The following SLTM variants were observed in gnomAD, a reference collection of about 807,000 sequenced individuals.
SLTM encodes the protein SAFB-like transcription modulator.
SLTM carries 43 observed loss-of-function variants against 134.6 expected under a neutral mutation model. The observed-to-expected ratio is 0.32, with a 90% CI of 0.25 to 0.41. SLTM has a LOEUF of 0.41. Among genes scored for constraint, SLTM ranks in the 10% least tolerant of loss-of-function variants. SLTM has a pLI of 1.00. For synonymous variants in SLTM, 424 were observed against 432.3 expected, an observed-to-expected ratio of 0.98 and a Z score of 0.24; for missense variants, 1,055 against 1,288.8, an observed-to-expected ratio of 0.82 and a Z score of 2.78.
chr15:58,905,999 C>G (rs1465552531), intron 5 of SLTM, among the ~76,000 whole-genome samples: 6 of 152,158 alleles, frequency 3.9e-5, no homozygotes, highest in African/African-American at 9.7e-5. Flanking sequence ...ACAAAAACAA[C>G]TTGGGTAAAG....
intron 2 of SLTM, among the ~76,000 whole-genome samples, chr15:58,920,225 T>C (rs1361259521): frequency 6.6e-6 from 1 of 150,902 alleles, no homozygotes; most frequent in Non-Finnish European, 1.5e-5. Context: ...GCTGAGGCAC[T>C]GGGTTCAATC....
At chr15:58,912,922 A>G (rs1028175664) in intron 4 of SLTM, 6 of 256,958 alleles carry the variant, frequency 2.3e-5, no homozygotes, top group South Asian at 6.9e-5. Context: ...ATGTACTAAC[A>G]TACTTCAAGG....
chr15:58,883,991 C>G (rs2033964205), intron 19 of SLTM, among the ~76,000 whole-genome samples: 1 of 151,592 alleles, frequency 6.6e-6, no homozygotes, highest in Admixed American at 6.6e-5. Context: ...CCCAGCTACT[C>G]AGGAGGCTGG....
At chr15:58,932,256 G>T (rs2037931470) in intron 2 of SLTM, 100 bp downstream of exon 2, 1 of 830,818 alleles carries the variant, frequency 1.2e-6, no homozygotes, top group Non-Finnish European at 2.0e-6. Context: ...GAGGGAAATA[G>T]CAAAGAGTAG....
At chr15:58,918,441 T>C (rs1052637916) in intron 2 of SLTM, among the ~76,000 whole-genome samples, 2 of 152,214 alleles carry the variant, frequency 1.3e-5, no homozygotes, top group Non-Finnish European at 2.9e-5. Context: ...CTCCTATCTG[T>C]CATCTACTCC....
At chr15:58,893,481 A>G (rs2034828807) in intron 12 of SLTM, 117 bp from the exon 13 acceptor site, 1 of 703,096 alleles carries the variant, frequency 1.4e-6, no homozygotes, top group Non-Finnish European at 2.3e-6. Context: ...TAAAAAAACT[A>G]CTTATTCTAC....
chr15:58,887,861 T>C (rs2034347273), intron 17 of SLTM, among the ~76,000 whole-genome samples: 1 of 152,128 alleles, frequency 6.6e-6, no homozygotes, highest in African/African-American at 2.4e-5. Context: ...GTTTTAAAGA[T>C]AAGAAGAGGC....
At chr15:58,887,200 G>A in intron 18 of SLTM, 26 bp downstream of exon 18, 1 of 1,611,828 alleles carries the variant, frequency 6.2e-7, no homozygotes, top group East Asian at 2.2e-5. Flanking sequence ...AGACCACTAG[G>A]AAAGCATTAC....
intron 2 of SLTM, among the ~76,000 whole-genome samples, chr15:58,922,816 G>C (rs578142387): frequency 6.6e-6 from 1 of 151,368 alleles, no homozygotes; most frequent in East Asian, 1.9e-4. Flanking sequence ...GGGTTCGAGC[G>C]ATTCTCCCGC....
intron 3 of SLTM, 152 bp downstream of exon 3, chr15:58,916,783 G>C: frequency 1.8e-6 from 1 of 563,300 alleles, no homozygotes; most frequent in Non-Finnish European, 3.1e-6. Context: ...GAGTTAATGA[G>C]ATTGACAATA....
At chr15:58,891,901 G>C (rs74017306) in intron 14 of SLTM, among the ~76,000 whole-genome samples, 1 of 152,020 alleles carries the variant, frequency 6.6e-6, no homozygotes, top group African/African-American at 2.4e-5. Context: ...TAGGGTTTGA[G>C]AATCACTGGT....
intron 9 of SLTM, 88 bp from the exon 10 acceptor site, chr15:58,894,670 T>C: frequency 8.2e-7 from 1 of 1,224,382 alleles, no homozygotes; most frequent in Admixed American, 1.9e-5. Flanking sequence ...ACTGAAACTA[T>C]ATATTAATTC....
chr15:58,910,399 G>T (rs4774315), intron 5 of SLTM, among the ~76,000 whole-genome samples: 96,382 of 152,032 alleles, frequency 0.63, 32,289 homozygotes, highest in Middle Eastern at 0.79. Context: ...TTTAGAAAGA[G>T]GAAAAAGGTC....
At chr15:58,930,233 C>A (rs2037771323) in intron 2 of SLTM, among the ~76,000 whole-genome samples, 1 of 151,754 alleles carries the variant, frequency 6.6e-6, no homozygotes, top group Non-Finnish European at 1.5e-5. Context: ...GCCTCCCCAG[C>A]CTCCCGAGTA....
intron 5 of SLTM, 73 bp from the exon 6 acceptor site, chr15:58,901,360 G>C (rs140363159): frequency 1.6e-6 from 2 of 1,277,354 alleles, no homozygotes; most frequent in African/African-American, 1.5e-5. Context: ...TACAAAATCA[G>C]CCAAGTTAAA....
chr15:58,901,316 A>C, intron 5 of SLTM, 29 bp from the exon 6 acceptor site: 4 of 1,577,294 alleles, frequency 2.5e-6, no homozygotes, highest in South Asian at 2.3e-5. Flanking sequence ...TCAAATGTAA[A>C]ATGAATTCAC....
At chr15:58,927,178 C>T (rs1037440888) in intron 2 of SLTM, among the ~76,000 whole-genome samples, 3 of 152,098 alleles carry the variant, frequency 2.0e-5, no homozygotes, top group Admixed American at 6.6e-5. Flanking sequence ...CCCTGATATA[C>T]CTGCTTCTTA....
At chr15:58,931,822 G>C (rs918574864) in intron 2 of SLTM, among the ~76,000 whole-genome samples, 1 of 152,010 alleles carries the variant, frequency 6.6e-6, no homozygotes, top group Non-Finnish European at 1.5e-5. Context: ...AATTAATCAT[G>C]GATTTTTCCC....
chr15:58,913,706 G>GT lies in SLTM; in HGVS notation c.316-11dup, dbSNP rs1567144475. 1.9e-6 allele frequency: 3 copies of GT among 1,611,424 alleles called. No homozygotes were observed. Among genetic ancestry groups the GT allele is most frequent in the Admixed American group, 1.7e-5 (1 of 59,794 alleles). On this transcript the variant is annotated splice_polypyrimidine_tract_variant and intron_variant, in intron 3 of 20. Coordinates refer to ENST00000380516, the MANE Select transcript of SLTM (RefSeq NM_024755.4). The stretch of plus-strand genomic sequence containing the variant: ...TCTCCAATTCACAGTCCTTTTAATG[G>GT]TAAGAAAATTTGGTACAACTAGAGG...
Sources: gnomAD v4.1 joint callset for allele counts (sites outside exome capture counted in the v4.1 genomes callset) on GRCh38, gnomAD v4.1.1 for gene constraint, MANE v1.5 for transcripts, NCBI Gene and HGNC (gene_info 2026-07-23, HGNC 2026-07-21) for gene names.